SEMA4G: variants seen among roughly 807,000 people sequenced by gnomAD.
SEMA4G encodes semaphorin 4G, also known as semaphorin-4G.
Under a neutral mutation model 81.2 loss-of-function variants are expected in SEMA4G, and 59 were observed. The observed-to-expected ratio is 0.73, with a 90% confidence interval of 0.59 to 0.90. The LOEUF is 0.90. Among genes scored for constraint, SEMA4G ranks in the 40% least tolerant of loss-of-function variants. The pLI is 0.00. For synonymous variants in SEMA4G, 404 were observed against 433.9 expected (o/e 0.93, Z 0.86); for missense variants, 952 against 1,102.3 (o/e 0.86, Z 1.93).
chr10:100,975,232 T>C (rs1264525951), intron 3 of SEMA4G: 1 of 333,708 alleles, frequency 3.0e-6, no homozygotes, highest in Non-Finnish European at 5.9e-6. Flanking sequence ...AGGTATATTA[T>C]AAATGCAGAT....
chr10:100,974,645 C>A (rs57858771), intron 3 of SEMA4G, among the ~76,000 whole-genome samples: 1 of 152,126 alleles, frequency 6.6e-6, no homozygotes, highest in Non-Finnish European at 1.5e-5. Context: ...TAGTATTATC[C>A]TGCATTTTGC....
intron 3 of SEMA4G, among the ~76,000 whole-genome samples, chr10:100,976,908 C>A (rs768665649): frequency 1.3e-5 from 2 of 152,080 alleles, no homozygotes; most frequent in Non-Finnish European, 2.9e-5. Context: ...GTAGCAACTG[C>A]AGATGTCTAA....
chr10:100,977,557 A>G (rs1282289020), intron 3 of SEMA4G, 75 bp from the exon 5 acceptor site: 2 of 1,217,736 alleles, frequency 1.6e-6, no homozygotes, highest in African/African-American at 3.0e-5. Flanking sequence ...CAAGAGCCAA[A>G]CTACAAAGCT....
chr10:100,984,432 G>A lies in SEMA4G; in HGVS notation c.*301G>A. 2.0e-6 allele frequency: 3 copies of A among 1,492,204 alleles called. No individual in the cohort carries two copies. In the South Asian group the frequency reaches 3.9e-5, roughly 19 times the overall value. The allele number at this position is 1,492,204 out of a possible 1,614,324, so 92.4% of individuals were successfully genotyped here. On this transcript the variant is annotated 3_prime_UTR_variant, in exon 14 of 14. Coordinates refer to ENST00000370250, the Ensembl canonical transcript of SEMA4G. ...TATCCCCTAACCTAAACACTTATAG[G>A]TGAGGACTCCATCCTCCTGTTCCAT...
upstream of SEMA4G, chr10:100,969,660 AG>A (rs1475835541): frequency 3.0e-6 from 1 of 331,892 alleles, no homozygotes; most frequent in African/African-American, 2.2e-5. Flanking sequence ...GGGTCGGGCA[AG>A]GCCTCCCCCA....
chr10:100,972,332 T>C (rs956556655), upstream of SEMA4G, among the ~76,000 whole-genome samples: 2 of 151,908 alleles, frequency 1.3e-5, no homozygotes, highest in African/African-American at 2.4e-5. Context: ...TAGGGTCTTG[T>C]AAGGAAGGTA....
At chr10:100,970,167 G>A (rs1850589306), upstream of SEMA4G, among the ~76,000 whole-genome samples, 1 of 152,136 alleles carries the variant, frequency 6.6e-6, no homozygotes, top group Admixed American at 6.5e-5. Context: ...TAGAGGAAAG[G>A]TGATCAGAGT....
At chr10:100,979,152 GAAAGCC>G in exon 8 of SEMA4G, 1 of 1,614,168 alleles carries the variant, frequency 6.2e-7, no homozygotes, top group Non-Finnish European at 8.5e-7. Flanking sequence ...CTTCCTTCCT[GAAAGCC>G]CGTCTCATCT....
chr10:100,979,484 G>C (rs544561449), intron 8 of SEMA4G: 2 of 1,314,868 alleles, frequency 1.5e-6, no homozygotes, highest in African/African-American at 3.0e-5. Context: ...CCGGGTTCAA[G>C]TGATTATCCT....
At chr10:100,980,943 G>A in exon 12 of SEMA4G, 1 of 1,610,112 alleles carries the variant, frequency 6.2e-7, no homozygotes, top group Non-Finnish European at 8.5e-7. Context: ...TGGGACCCTG[G>A]CACCCATGCC....
At chr10:100,971,315 G>C (rs146187960), upstream of SEMA4G, among the ~76,000 whole-genome samples, 530 of 152,324 alleles carry the variant, frequency 3.5e-3, 3 homozygotes, top group Middle Eastern at 0.017. Context: ...AGGTAAACAG[G>C]TGTGCCTCCA....
upstream of SEMA4G, among the ~76,000 whole-genome samples, chr10:100,971,725 C>T (rs1318397468): frequency 1.3e-5 from 2 of 152,162 alleles, no homozygotes; most frequent in Admixed American, 1.3e-4. Flanking sequence ...GAGAGGCCTG[C>T]CACCCACCCC....
chr10:100,972,985 A>G (rs1850675630), exon 1 of SEMA4G: 2 of 1,613,914 alleles, frequency 1.2e-6, no homozygotes, highest in African/African-American at 2.7e-5. Flanking sequence ...CTCACTGCGG[A>G]GACCGTCTAG....
intron 8 of SEMA4G, 192 bp downstream of exon 9, chr10:100,979,463 A>G (rs1226292285): frequency 4.9e-6 from 7 of 1,416,674 alleles, no homozygotes; most frequent in Middle Eastern, 2.6e-4. Flanking sequence ...GCTCACTGCA[A>G]TCTCCGCCTC....
Position 100,977,569 on chromosome 10 carries a change from G to T in SEMA4G, c.337-63G>T, listed in dbSNP as rs1346057263. 27 of 1,331,704 alleles carry T rather than the reference G, an allele frequency of 2.0e-5. No homozygotes were observed. The Admixed American group carries it at 4.5e-4, about 22-fold the overall frequency. 82.5% of individuals were successfully genotyped at this position (1,331,704 alleles called of 1,614,324 possible). On this transcript the variant is annotated intron_variant, in intron 3 of 13. Coordinates refer to ENST00000370250, the Ensembl canonical transcript of SEMA4G. ...GGGCAAGAGCCAAACTACAAAGCTA[G>T]ACTAATGGAGGAGGCTTCTAGTCAG...
intron 8 of SEMA4G, 80 bp downstream of exon 9, chr10:100,979,351 G>A (rs1850943915): frequency 1.2e-6 from 2 of 1,613,096 alleles, no homozygotes; most frequent in Non-Finnish European, 1.7e-6. Context: ...GATGAGATAG[G>A]ATCCACTGTG....
rs368462093 is a variant in SEMA4G, at chr10:100,973,591, A to C, written c.318A>C (p.Gln106His). The C allele has an allele frequency of 1.0e-4, 163 of 1,613,970 alleles. No homozygotes were observed. The highest frequency in any genetic ancestry group is 1.4e-4 in the Non-Finnish European group (160 of 1,180,012). The change falls in exon 3 of 14, where the codon CAA becomes CAC. Residue 106 changes from glutamine to histidine, a missense_variant. Transcript: ENST00000370250. This position sits in a 1 kb window ranked among gnomAD's most constrained non-coding sequence, Gnocchi z 5.5. ...CAGAGATGCAAAGCAAATGTCATCA[A>C]AAAGGGAAAAACAACCAGGTATGTG...
At chr10:100,981,589 GTATT>G in intron 13 of SEMA4G, 1 of 1,606,768 alleles carries the variant, frequency 6.2e-7, no homozygotes, top group Non-Finnish European at 8.5e-7. Flanking sequence ...GATGTATTAA[GTATT>G]TACTGTGTGC....
exon 10 of SEMA4G, chr10:100,980,122 T>A (rs775053317): frequency 6.2e-7 from 1 of 1,614,048 alleles, no homozygotes; most frequent in Admixed American, 1.7e-5. Context: ...CCCACGCCAG[T>A]GTATCACAGA....
Sources: allele counts gnomAD v4.1 joint callset (sites outside exome capture counted in the v4.1 genomes callset), GRCh38; gene constraint gnomAD v4.1.1; non-coding constraint Gnocchi (gnomAD v3.1); transcripts MANE v1.5; gene names NCBI Gene and HGNC (gene_info 2026-07-23, HGNC 2026-07-21).